The following NEGR1 variants were observed in gnomAD, a reference collection of about 807,000 sequenced individuals.
The protein encoded by NEGR1 is IgLON family member 4.
In NEGR1, 10 loss-of-function variants were observed where a neutral mutation model predicts 40.9. The ratio of observed to expected loss-of-function variants is 0.24; its 90% CI spans 0.15 to 0.42. The LOEUF (loss-of-function observed/expected upper bound fraction) is 0.42, where lower values mean the gene tolerates loss of function less well. Ranked by LOEUF, NEGR1 falls within the 10% of genes least tolerant of loss-of-function variation. The probability of loss-of-function intolerance (pLI) is 1.00; values close to 1 mark genes in which losing one functional copy is unlikely to be tolerated. For missense variants in NEGR1, 352 were observed against 438.9 expected, an observed-to-expected ratio of 0.80 and a Z score of 1.77; for synonymous variants, 185 against 166.8, an observed-to-expected ratio of 1.11 and a Z score of -0.84.
At chr1:71,884,840 G>C (rs1008234967) in intron 2 of NEGR1, among the ~76,000 whole-genome samples, 1 of 152,162 alleles carries the variant, frequency 6.6e-6, no homozygotes, top group Non-Finnish European at 1.5e-5. Context: ...GACAAAGGCT[G>C]TACTTGTTTT....
At chr1:71,949,587 G>A (rs187883571) in intron 1 of NEGR1, among the ~76,000 whole-genome samples, 1 of 152,084 alleles carries the variant, frequency 6.6e-6, no homozygotes, top group East Asian at 1.9e-4. Flanking sequence ...CAAAGAATAG[G>A]GTAAGAATAG....
intron 1 of NEGR1, among the ~76,000 whole-genome samples, chr1:72,177,050 T>C (rs139679496): frequency 4.7e-4 from 72 of 152,236 alleles, no homozygotes; most frequent in African/African-American, 1.6e-3. Flanking sequence ...GAAATAATTA[T>C]ATCATCATCT....
chr1:71,577,564 G>A (rs1649003877), intron 6 of NEGR1, among the ~76,000 whole-genome samples: 1 of 152,108 alleles, frequency 6.6e-6, no homozygotes, highest in Non-Finnish European at 1.5e-5. Context: ...TCAATATTGG[G>A]TGATTTTTAA....
intron 2 of NEGR1, among the ~76,000 whole-genome samples, chr1:71,904,519 C>G (rs2101866780): frequency 6.6e-6 from 1 of 152,180 alleles, no homozygotes; most frequent in South Asian, 2.1e-4. Flanking sequence ...CTTTTAAACA[C>G]TGTCATTCAA....
chr1:71,912,767 T>A lies in NEGR1; in HGVS notation c.409+22312A>T, dbSNP rs2554416. On this transcript the variant is annotated intron_variant, in intron 2 of 6. Coordinates refer to ENST00000357731, the MANE Select transcript of NEGR1 (RefSeq NM_173808.3). ...AATATATTTGTTAATAAATGGACTG[T>A]GAGAAAGGATGAATGGATAGATGGA... Among the ~76,000 whole-genome samples, 1,305 of 152,196 alleles carry A rather than the reference T, an allele frequency of 8.6e-3. 23 individuals are homozygous for A. Among genetic ancestry groups the A allele is most frequent in the African/African-American group, 0.03 (1,252 of 41,544 alleles).
chr1:71,838,693 G>A (rs1314908844), intron 2 of NEGR1, among the ~76,000 whole-genome samples: 5 of 152,060 alleles, frequency 3.3e-5, no homozygotes, highest in Non-Finnish European at 5.9e-5. Flanking sequence ...ATGATATGCA[G>A]TTGGTTGTTA....
At chr1:71,628,381 TAC>T (rs1412441767) in intron 4 of NEGR1, among the ~76,000 whole-genome samples, 1 of 152,058 alleles carries the variant, frequency 6.6e-6, no homozygotes, top group African/African-American at 2.4e-5. Context: ...CATAAAATAT[TAC>T]AGTTTTATGA....
At chr1:71,473,865 G>A (rs1000213194) in intron 6 of NEGR1, among the ~76,000 whole-genome samples, 6 of 151,930 alleles carry the variant, frequency 3.9e-5, no homozygotes, top group African/African-American at 1.5e-4. Flanking sequence ...ACTATTCTGT[G>A]TGTCAGAAAT....
chr1:71,584,309 ATAT>A (rs1465657534), intron 6 of NEGR1, among the ~76,000 whole-genome samples: 6 of 152,106 alleles, frequency 3.9e-5, no homozygotes, highest in Non-Finnish European at 5.9e-5. Context: ...GCCCACTGAA[ATAT>A]TATTGCTTTC....
intron 1 of NEGR1, among the ~76,000 whole-genome samples, chr1:72,146,044 T>C (rs1024478614): frequency 9.5e-4 from 144 of 152,252 alleles, no homozygotes; most frequent in Non-Finnish European, 1.7e-3. Flanking sequence ...CTTTTGGCTG[T>C]TGTGGTGGTG....
At chr1:71,933,206 C>T (rs994332086) in intron 2 of NEGR1, among the ~76,000 whole-genome samples, 3 of 151,944 alleles carry the variant, frequency 2.0e-5, no homozygotes, top group Admixed American at 6.6e-5. Context: ...AGACATGTAG[C>T]AGTTTTAAAA....
At chr1:72,097,079 A>G (rs1648731111) in intron 1 of NEGR1, among the ~76,000 whole-genome samples, 1 of 152,142 alleles carries the variant, frequency 6.6e-6, no homozygotes. Context: ...AGTCTTACAC[A>G]GTTTACTTAG....
chr1:71,443,413 A>C (rs1400445946), intron 6 of NEGR1, among the ~76,000 whole-genome samples: 1 of 152,178 alleles, frequency 6.6e-6, no homozygotes, highest in Non-Finnish European at 1.5e-5. Context: ...ACTTTAAATT[A>C]ATATTTAAAC....
intron 1 of NEGR1, among the ~76,000 whole-genome samples, chr1:72,246,146 C>A (rs1265165524): frequency 6.6e-6 from 1 of 152,078 alleles, no homozygotes; most frequent in African/African-American, 2.4e-5. Context: ...TGCCTGCTTG[C>A]AATAACCTAA....
intron 1 of NEGR1, among the ~76,000 whole-genome samples, chr1:72,180,035 A>T (rs1652307966): frequency 6.6e-6 from 1 of 152,064 alleles, no homozygotes; most frequent in Non-Finnish European, 1.5e-5. Flanking sequence ...AAAAATCCTA[A>T]AATTTGCATA....
chr1:71,943,038 A>G (rs1207965756), intron 1 of NEGR1, among the ~76,000 whole-genome samples: 1,326 of 127,472 alleles, frequency 0.01, 33 homozygotes, highest in Middle Eastern at 0.02. Context: ...ACACACATAC[A>G]TATATATGTG....
At chr1:72,246,328 G>A (rs139563363) in intron 1 of NEGR1, among the ~76,000 whole-genome samples, 5 of 152,122 alleles carry the variant, frequency 3.3e-5, no homozygotes, top group South Asian at 2.1e-4. Context: ...TGATAACATC[G>A]TGTCTAGTTT....
intron 3 of NEGR1, among the ~76,000 whole-genome samples, chr1:71,766,377 C>G (rs1315889808): frequency 6.6e-6 from 1 of 152,126 alleles, no homozygotes; most frequent in South Asian, 2.1e-4. Context: ...TAGGCAATAG[C>G]CTTAATGCCT....
chr1:71,918,598 A>G (rs145406701), intron 2 of NEGR1, among the ~76,000 whole-genome samples: 213 of 152,268 alleles, frequency 1.4e-3, no homozygotes, highest in African/African-American at 4.9e-3. Flanking sequence ...CAGAGGCTTC[A>G]AGGGTAAATT....
Sources: allele counts gnomAD v4.1 joint callset (sites outside exome capture counted in the v4.1 genomes callset), GRCh38; gene constraint gnomAD v4.1.1; transcripts MANE v1.5; gene names NCBI Gene and HGNC (gene_info 2026-07-23, HGNC 2026-07-21).